FANCC: variants seen among roughly 807,000 people sequenced by gnomAD.
FANCC encodes the protein Fanconi anemia group C protein.
FANCC carries 55 observed loss-of-function variants against 71.3 expected under a neutral mutation model. The observed-to-expected ratio is 0.77, with a 90% CI of 0.62 to 0.97. The LOEUF (loss-of-function observed/expected upper bound fraction) is 0.97, where lower values mean the gene tolerates loss of function less well. Ranked by LOEUF, FANCC falls within the 50% of genes least tolerant of loss-of-function variation. The pLI is 0.00. For synonymous variants in FANCC, 275 were observed against 244.9 expected, an observed-to-expected ratio of 1.12 and a Z score of -1.15; for missense variants, 678 against 670.9, an observed-to-expected ratio of 1.01 and a Z score of -0.12.
At chr9:95,274,872 A>G (rs1832946480) in intron 1 of FANCC, among the ~76,000 whole-genome samples, 2 of 152,174 alleles carry the variant, frequency 1.3e-5, no homozygotes, top group South Asian at 4.1e-4. Flanking sequence ...TAAGGGGAGG[A>G]TATCTGCAGT....
intron 1 of FANCC, among the ~76,000 whole-genome samples, chr9:95,303,874 G>A (rs1354939162): frequency 1.3e-5 from 2 of 152,166 alleles, no homozygotes; most frequent in African/African-American, 4.8e-5. Flanking sequence ...TTCTTGTAAT[G>A]AGTTCCAATA....
intron 6 of FANCC, among the ~76,000 whole-genome samples, chr9:95,159,189 C>A (rs906365191): frequency 1.3e-5 from 2 of 152,144 alleles, no homozygotes. Context: ...CCTTGCCCCC[C>A]ACTCCACAAC....
intron 4 of FANCC, among the ~76,000 whole-genome samples, chr9:95,181,502 C>T (rs1826365399): frequency 6.6e-6 from 1 of 152,124 alleles, no homozygotes. Context: ...GGCTCTTGGA[C>T]AAAAATAAAT....
At chr9:95,203,390 A>AAAC (rs1827920988) in intron 4 of FANCC, among the ~76,000 whole-genome samples, 1 of 151,546 alleles carries the variant, frequency 6.6e-6, no homozygotes, top group South Asian at 2.1e-4. Flanking sequence ...AAAAAAAAAA[A>AAAC]AAAAAACACC....
At chr9:95,272,071 G>T in intron 1 of FANCC, among the ~76,000 whole-genome samples, 1 of 150,662 alleles carries the variant, frequency 6.6e-6, no homozygotes, top group Admixed American at 6.6e-5. Context: ...CAAGTAGCTG[G>T]GACTACAGGC....
Position 95,231,900 on chromosome 9 carries a change from G to A in FANCC, c.345+8749C>T, listed in dbSNP as rs139696565. 3.6e-3 allele frequency among the ~76,000 whole-genome samples: 550 copies of A among 152,344 alleles called. 5 individuals are homozygous for A. The highest frequency in any genetic ancestry group is 0.012 in the African/African-American group (517 of 41,570). On this transcript the variant is annotated intron_variant, in intron 4 of 14. Transcript: ENST00000289081. ...GCCATTTCAGCAACCATGGAAATGA[G>A]CATAAGCTGACTGACTGTGTTAGTC...
At chr9:95,177,576 T>C (rs779155116) in intron 4 of FANCC, among the ~76,000 whole-genome samples, 7 of 152,276 alleles carry the variant, frequency 4.6e-5, no homozygotes, top group African/African-American at 9.6e-5. Flanking sequence ...TTACAATCAA[T>C]GCTTTGCCTA....
intron 4 of FANCC, among the ~76,000 whole-genome samples, chr9:95,193,335 G>A (rs1360193204): frequency 1.3e-5 from 2 of 152,132 alleles, no homozygotes; most frequent in African/African-American, 4.8e-5. Context: ...GAAAAACCCA[G>A]ACTCTAGCTA....
At chr9:95,188,925 A>C (rs578034988) in intron 4 of FANCC, among the ~76,000 whole-genome samples, 1 of 152,272 alleles carries the variant, frequency 6.6e-6, no homozygotes, top group South Asian at 2.1e-4. Flanking sequence ...AATTACACAT[A>C]AGTTACAAAT....
intron 1 of FANCC, chr9:95,292,491 G>A (rs1450832907): frequency 6.4e-6 from 9 of 1,405,260 alleles, no homozygotes; most frequent in South Asian, 1.6e-5. Context: ...GCCGCGGCCC[G>A]CGGGGGTGAC....
intron 4 of FANCC, among the ~76,000 whole-genome samples, chr9:95,196,777 T>C (rs942026943): frequency 3.3e-5 from 5 of 152,160 alleles, no homozygotes; most frequent in African/African-American, 1.2e-4. Flanking sequence ...CAACCTCAAG[T>C]AAAAGGTTCA....
intron 1 of FANCC, among the ~76,000 whole-genome samples, chr9:95,280,859 T>A (rs1833345833): frequency 6.6e-6 from 1 of 152,148 alleles, no homozygotes. Context: ...GAGATTGAAA[T>A]AATTTTTTAA....
intron 1 of FANCC, among the ~76,000 whole-genome samples, chr9:95,307,879 A>C (rs1835156100): frequency 6.6e-6 from 1 of 152,240 alleles, no homozygotes; most frequent in African/African-American, 2.4e-5. Flanking sequence ...TCAGTAGTTT[A>C]CAAATAACAG....
At chr9:95,287,280 T>A (rs1833747288) in intron 1 of FANCC, among the ~76,000 whole-genome samples, 2 of 152,138 alleles carry the variant, frequency 1.3e-5, no homozygotes, top group Non-Finnish European at 2.9e-5. Flanking sequence ...TCCATAAAAG[T>A]CAGTTTTTTG....
At chr9:95,129,785 C>CA (rs945868210) in intron 8 of FANCC, among the ~76,000 whole-genome samples, 1 of 152,168 alleles carries the variant, frequency 6.6e-6, no homozygotes, top group African/African-American at 2.4e-5. Flanking sequence ...TATCTCCCCC[C>CA]TCAGGCTTTT....
At chr9:95,292,388 G>C in intron 1 of FANCC, 1 of 1,034,354 alleles carries the variant, frequency 9.7e-7, no homozygotes, top group South Asian at 4.5e-5. Context: ...CTCTGGCGGC[G>C]GGTGCCCGCG....
intron 1 of FANCC, among the ~76,000 whole-genome samples, chr9:95,312,287 T>C (rs970804077): frequency 6.6e-6 from 1 of 152,224 alleles, no homozygotes; most frequent in Non-Finnish European, 1.5e-5. Context: ...GATAAATCAG[T>C]CTGGGTCCAG....
intron 4 of FANCC, among the ~76,000 whole-genome samples, chr9:95,189,937 G>C (rs1826983056): frequency 6.6e-6 from 1 of 152,178 alleles, no homozygotes; most frequent in Non-Finnish European, 1.5e-5. Flanking sequence ...CCCTTGAAGG[G>C]AAGGGGCTCA....
At chr9:95,264,254 C>T (rs527881135) in intron 1 of FANCC, among the ~76,000 whole-genome samples, 59 of 152,134 alleles carry the variant, frequency 3.9e-4, no homozygotes, top group Non-Finnish European at 7.8e-4. Flanking sequence ...CACAAACTCA[C>T]ACAATACTTG....
Sources: gnomAD v4.1 joint callset for allele counts (sites outside exome capture counted in the v4.1 genomes callset) on GRCh38, gnomAD v4.1.1 for gene constraint, MANE v1.5 for transcripts, NCBI Gene and HGNC (gene_info 2026-07-23, HGNC 2026-07-21) for gene names.